PDZD2: variants seen among roughly 807,000 people sequenced by gnomAD.
PDZD2 encodes the protein PDZ domain containing 2.
In PDZD2, 90 loss-of-function variants were observed where a neutral mutation model predicts 220.7. The observed-to-expected ratio is 0.41, with a 90% confidence interval of 0.34 to 0.49. PDZD2 has a LOEUF of 0.49. PDZD2 is among the 20% of genes least tolerant of loss of function. The pLI, the probability that PDZD2 is intolerant of heterozygous loss-of-function variation, is 0.28. For synonymous variants in PDZD2, 1,375 were observed against 1,450.5 expected, an observed-to-expected ratio of 0.95 and a Z score of 1.18; for missense variants, 3,174 against 3,608.5, an observed-to-expected ratio of 0.88 and a Z score of 3.08.
chr5:31,744,219 G>T (rs1750445846), intron 1 of PDZD2: 1 of 152,170 alleles, frequency 6.6e-6, no homozygotes, highest in Admixed American at 6.5e-5. Context: ...CTGCTCTGAT[G>T]TTGTTTCCAT....
chr5:31,801,953 C>T (rs1754417753), intron 2 of PDZD2, among the ~76,000 whole-genome samples: 1 of 152,040 alleles, frequency 6.6e-6, no homozygotes, highest in South Asian at 2.1e-4. Context: ...TGGAGGATTC[C>T]TTGATATTTT....
intron 2 of PDZD2, among the ~76,000 whole-genome samples, chr5:31,980,135 G>A (rs1243828369): frequency 2.6e-5 from 4 of 152,042 alleles, no homozygotes; most frequent in Admixed American, 6.6e-5. Context: ...TTGGGCAACC[G>A]TCACCACTAA....
At chr5:32,017,858 G>A (rs1329746469) in intron 6 of PDZD2, among the ~76,000 whole-genome samples, 1 of 152,186 alleles carries the variant, frequency 6.6e-6, no homozygotes. Context: ...AAAGAGCCCA[G>A]AACTGTGAGT....
At chr5:31,720,241 G>A (rs1748708534) in intron 1 of PDZD2, among the ~76,000 whole-genome samples, 1 of 152,186 alleles carries the variant, frequency 6.6e-6, no homozygotes, top group Admixed American at 6.5e-5. Context: ...GCAAGTTTCT[G>A]GCATCTGCCT....
intron 1 of PDZD2, among the ~76,000 whole-genome samples, chr5:31,690,808 C>T (rs1282067289): frequency 6.6e-6 from 1 of 152,242 alleles, no homozygotes; most frequent in Admixed American, 6.5e-5. Context: ...GTAACATTCA[C>T]AGGTTCTGGG....
At chr5:31,797,094 A>ATTTTTTT (rs756548601) in intron 1 of PDZD2, among the ~76,000 whole-genome samples, 5 of 66,544 alleles carry the variant, frequency 7.5e-5, no homozygotes, top group Non-Finnish European at 1.3e-4. Context: ...CACCCAGCTA[A>ATTTTTTT]TTTTTTTTTT....
intron 1 of PDZD2, among the ~76,000 whole-genome samples, chr5:31,729,863 T>C (rs187757421): frequency 1.1e-3 from 172 of 152,138 alleles, no homozygotes; most frequent in African/African-American, 3.9e-3. Flanking sequence ...AATCTTGCTC[T>C]GTCACCCAGG....
intron 19 of PDZD2, among the ~76,000 whole-genome samples, chr5:32,085,232 G>A (rs1416417803): frequency 4.7e-5 from 7 of 149,388 alleles, no homozygotes; most frequent in South Asian, 2.1e-4. Flanking sequence ...GATTACAGGC[G>A]TGATCCACCG....
intron 1 of PDZD2, among the ~76,000 whole-genome samples, chr5:31,795,117 T>C (rs1753951547): frequency 6.6e-6 from 1 of 152,214 alleles, no homozygotes; most frequent in Non-Finnish European, 1.5e-5. Flanking sequence ...TGGAGAAAGA[T>C]TAAATTTAAC....
rs58312626 is a variant in PDZD2, at chr5:31,663,481, G to GA, written c.-361+24053dup. Reference sequence around the variant, plus strand: ...TTGTTTTACCTTGGCATTTTTTTAAGAAAAAAAAATAAACAAGTGTACTAG... The same window carrying GA: ...TTGTTTTACCTTGGCATTTTTTTAAGAAAAAAAAAATAAACAAGTGTACTAG... On this transcript the variant is annotated intron_variant, in intron 1 of 24. Coordinates refer to ENST00000438447, the MANE Select transcript of PDZD2 (RefSeq NM_178140.4). 4.0e-4 allele frequency among the ~76,000 whole-genome samples: 61 copies of GA among 150,672 alleles called. 1 individual carries two copies. The East Asian group carries it at 5.6e-3, about 14-fold the overall frequency.
intron 2 of PDZD2, among the ~76,000 whole-genome samples, chr5:31,919,707 G>GC (rs1554006697): frequency 1.5e-5 from 2 of 129,588 alleles, no homozygotes; most frequent in Admixed American, 1.6e-4. Flanking sequence ...AATTGATAAA[G>GC]AAAAAAAAAA....
chr5:31,879,977 G>A (rs566063562), intron 2 of PDZD2, among the ~76,000 whole-genome samples: 7 of 143,990 alleles, frequency 4.9e-5, no homozygotes, highest in South Asian at 2.3e-4. Flanking sequence ...GCAATGGCAC[G>A]ATCTCAGCTC....
rs991493766 is a variant in PDZD2 at position 31,983,522 on chromosome 5, G to C, written c.844G>C (p.Glu282Gln). 45 of 1,614,090 alleles carry C rather than the reference G, an allele frequency of 2.8e-5. No individual in the cohort carries two copies. The highest frequency in any genetic ancestry group is 3.6e-5 in the Non-Finnish European group (43 of 1,180,052). The change falls in exon 3 of 25, where the codon GAG becomes CAG. Residue 282 changes from glutamate to glutamine, a missense_variant. Coordinates refer to ENST00000438447, the MANE Select transcript of PDZD2 (RefSeq NM_178140.4). ...CAAGGAGGTGGCTGGACCCCATCTA[G>C]AGAGGTCAGAAGTGGACAGAGGGAC... ...SLKEVAGPHLERSEVDRGTEH... is the reference protein window; with the variant it reads ...SLKEVAGPHLQRSEVDRGTEH...
At chr5:31,931,224 T>C (rs549259783) in intron 2 of PDZD2, among the ~76,000 whole-genome samples, 4 of 152,184 alleles carry the variant, frequency 2.6e-5, no homozygotes, top group Admixed American at 6.5e-5. Context: ...GGTTTCACCA[T>C]GTTGGCCAGG....
chr5:31,672,125 C>T (rs1746238158), intron 1 of PDZD2, among the ~76,000 whole-genome samples: 1 of 152,164 alleles, frequency 6.6e-6, no homozygotes, highest in African/African-American at 2.4e-5. Flanking sequence ...CATTGCCAGG[C>T]ATACCCTAGG....
intron 2 of PDZD2, among the ~76,000 whole-genome samples, chr5:31,975,174 G>A (rs564453205): frequency 8.7e-4 from 133 of 152,256 alleles, no homozygotes; most frequent in African/African-American, 3.0e-3. Flanking sequence ...AGACACACCC[G>A]AGACTGGGTG....
At chr5:32,066,080 C>A (rs1265286471) in intron 14 of PDZD2, among the ~76,000 whole-genome samples, 2 of 151,934 alleles carry the variant, frequency 1.3e-5, no homozygotes, top group Non-Finnish European at 2.9e-5. Context: ...CAGTAGCTCA[C>A]ATGTGTAATC....
intron 2 of PDZD2, among the ~76,000 whole-genome samples, chr5:31,917,867 G>A (rs1437038822): frequency 6.6e-6 from 1 of 152,164 alleles, no homozygotes; most frequent in Non-Finnish European, 1.5e-5. Context: ...AGCCTCCTGA[G>A]TAGATGGGAC....
At chr5:31,751,100 G>T (rs1750935779) in intron 1 of PDZD2, among the ~76,000 whole-genome samples, 1 of 151,998 alleles carries the variant, frequency 6.6e-6, no homozygotes, top group Admixed American at 6.5e-5. Context: ...AAAGTACCTG[G>T]GCGTGGTGGC....
Sources: gnomAD v4.1 joint callset for allele counts (sites outside exome capture counted in the v4.1 genomes callset) on GRCh38, gnomAD v4.1.1 for gene constraint, MANE v1.5 for transcripts, NCBI Gene and HGNC (gene_info 2026-07-23, HGNC 2026-07-21) for gene names.